The following MMRN2 variants were observed in gnomAD, a reference collection of about 807,000 sequenced individuals.
MMRN2 encodes multimerin-2.
A neutral mutation model predicts 68.8 loss-of-function variants in MMRN2; 53 were observed. That is an observed-to-expected ratio of 0.77 (90% CI 0.62 to 0.97). The LOEUF (loss-of-function observed/expected upper bound fraction) is 0.97, where lower values mean the gene tolerates loss of function less well. MMRN2 is among the 50% of genes least tolerant of loss of function. The pLI is 0.00. For synonymous variants in MMRN2, 564 were observed against 551.6 expected (o/e 1.02, Z -0.32); for missense variants, 1,266 against 1,259.5 (o/e 1.01, Z -0.08).
At chr10:86,950,466 G>A (rs1029552072) in intron 1 of MMRN2, among the ~76,000 whole-genome samples, 10 of 152,172 alleles carry the variant, frequency 6.6e-5, no homozygotes, top group African/African-American at 9.6e-5. Context: ...ATGCAGAACC[G>A]TGGTGTCACA....
intron 4 of MMRN2, 29 bp downstream of exon 4, chr10:86,945,159 C>T (rs768061915): frequency 1.8e-5 from 29 of 1,606,100 alleles, no homozygotes; most frequent in Non-Finnish European, 2.5e-5. Flanking sequence ...ACCAGCCTGC[C>T]TGCCTTCCCC....
At chr10:86,942,040 T>G (rs1843978795) in intron 6 of MMRN2, among the ~76,000 whole-genome samples, 1 of 152,058 alleles carries the variant, frequency 6.6e-6, no homozygotes, top group Non-Finnish European at 1.5e-5. Flanking sequence ...GCAGGAGCAG[T>G]AGGCGGCACT....
chr10:86,945,359 G>T lies in MMRN2; in HGVS notation c.400+11C>A. 6.3e-7 allele frequency: 1 copy of T among 1,599,896 alleles called. No homozygotes were observed. Among genetic ancestry groups the T allele is most frequent in the South Asian group, 1.1e-5 (1 of 89,538 alleles). ...AGGTCAAGGGGGGAAGGGGGCCGCA[G>T]GGAGCCCTACCGTGGTGCTCGCAGT... On this transcript the variant is annotated intron_variant, in intron 3 of 6. Transcript: ENST00000372027.
Position 86,942,906 on chromosome 10 carries a change from C to A in MMRN2, c.1878G>T (p.Thr626=), listed in dbSNP as rs200415857. The change falls in exon 6 of 7, where the codon ACG becomes ACT. Residue 626 remains threonine (T), a synonymous_variant. Coordinates refer to ENST00000372027, the MANE Select transcript of MMRN2 (RefSeq NM_024756.3). ...EEVLEEMSEQ[T]PGPLPLSYEQ... ...CGTAGCTCAGGGGCAGCGGTCCCGG[C>A]GTCTGCTCAGACATCTCCTCCAGCA... 2.0e-6 allele frequency: 3 copies of A among 1,474,280 alleles called. No individual in the cohort carries two copies. Among genetic ancestry groups the A allele is most frequent in the African/African-American group, 1.5e-5 (1 of 68,422 alleles). The allele number at this position is 1,474,280 out of a possible 1,614,324, so 91.3% of individuals were successfully genotyped here. A position where few individuals can be genotyped will look rare whatever the true frequency, so the allele number is the denominator to read the frequency against.
rs1844018835 is a variant in MMRN2 at position 86,943,674 on chromosome 10, C to T, written c.1110G>A (p.Gln370=). ...AGARPEPDSL[Q]ARLGQLQRNL... ...TCCTCTGCAGCTGGCCCAGCCTGGC[C>T]TGCAGGCTGTCCGGCTCAGGCCTTG... Residue 370 remains glutamine, a synonymous_variant, in exon 6 of 7, where the codon CAG becomes CAA. Coordinates refer to ENST00000372027, the MANE Select transcript of MMRN2 (RefSeq NM_024756.3). This position sits in a 1 kb window ranked among gnomAD's most constrained non-coding sequence, Gnocchi z 4.2. 1 of 1,611,830 alleles carries T rather than the reference C, an allele frequency of 6.2e-7. No homozygotes were observed. The highest frequency in any genetic ancestry group is 8.5e-7 in the Non-Finnish European group (1 of 1,180,016).
rs1843888062 is a variant in MMRN2 at position 86,936,920 on chromosome 10, A to G, written c.2673T>C (p.Gly891=). Residue 891 remains glycine, a synonymous_variant, in exon 7 of 7, where the codon GGT becomes GGC. Coordinates refer to ENST00000372027, the MANE Select transcript of MMRN2 (RefSeq NM_024756.3). The part of the protein sequence containing the change: ...GPGTGQLVFG[G]HHRTPVCTTG... ...TGGTACAGACTGGAGTCCGATGGTGACCTCCAAACACCAGCTGCCCGGTGC... is the reference window on the plus strand; with the variant it reads ...TGGTACAGACTGGAGTCCGATGGTGGCCTCCAAACACCAGCTGCCCGGTGC... The G allele has an allele frequency of 6.2e-7, 1 of 1,614,004 alleles. No homozygotes were observed. The highest frequency in any genetic ancestry group is 8.5e-7 in the Non-Finnish European group (1 of 1,180,010).
chr10:86,944,200 T>G, intron 5 of MMRN2, 62 bp downstream of exon 5: 1 of 1,587,290 alleles, frequency 6.3e-7, no homozygotes, highest in Admixed American at 1.7e-5. Flanking sequence ...ACCAGCGGGG[T>G]CCTCCCCTCC....
intron 1 of MMRN2, among the ~76,000 whole-genome samples, chr10:86,947,251 G>C (rs1364331706): frequency 1.3e-5 from 2 of 152,174 alleles, no homozygotes; most frequent in Non-Finnish European, 2.9e-5. Context: ...AGAGGCCTTG[G>C]TGATGAAGTG....
chr10:86,953,144 A>G (rs1441289339), intron 1 of MMRN2, among the ~76,000 whole-genome samples: 1 of 152,126 alleles, frequency 6.6e-6, no homozygotes, highest in Non-Finnish European at 1.5e-5. Flanking sequence ...TTCAAGGTGC[A>G]CTGATATCAT....
chr10:86,946,298 A>G (rs1224571464), intron 1 of MMRN2, among the ~76,000 whole-genome samples: 1 of 152,242 alleles, frequency 6.6e-6, no homozygotes, highest in Non-Finnish European at 1.5e-5. Context: ...CGTTCTGTGA[A>G]CACAGCTCCA....
Position 86,942,963 on chromosome 10 carries a change from C to T in MMRN2, c.1821G>A (p.Glu607=), listed in dbSNP as rs1484970145. ...AALLEDALRH[E]AVLAALFGEE... ...CCCCGAAGAGCGCGGCCAGCACCGC[C>T]TCGTGCCGCAGCGCGTCCTCCAGCA... The change falls in exon 6 of 7, where the codon GAG becomes GAA. Residue 607 remains glutamate (E), a synonymous_variant. Coordinates refer to ENST00000372027, the MANE Select transcript of MMRN2 (RefSeq NM_024756.3). 1.5e-5 allele frequency: 23 copies of T among 1,497,194 alleles called. No homozygotes were observed. Among genetic ancestry groups the T allele is most frequent in the African/African-American group, 2.9e-5 (2 of 68,950 alleles). 92.7% of individuals were successfully genotyped at this position (1,497,194 alleles called of 1,614,324 possible).
At chr10:86,945,981 GTGA>G (rs2133681421) in intron 1 of MMRN2, among the ~76,000 whole-genome samples, 1 of 152,350 alleles carries the variant, frequency 6.6e-6, no homozygotes, top group African/African-American at 2.4e-5. Context: ...CAGCTCCAGG[GTGA>G]TGATTGTTTT....
chr10:86,941,531 C>T (rs1843962782), intron 6 of MMRN2, among the ~76,000 whole-genome samples: 1 of 152,138 alleles, frequency 6.6e-6, no homozygotes, highest in Non-Finnish European at 1.5e-5. Flanking sequence ...GGGCACATGG[C>T]TCACACCTGT....
Position 86,944,251 on chromosome 10 carries a change from C to T in MMRN2, c.655+11G>A, listed in dbSNP as rs759261477. ...CAGGCTCTTCCTCAGCCCCTAGAGC[C>T]TGCCACTCACCGTGCCCTGTTTGAT... On this transcript the variant is annotated intron_variant, in intron 5 of 6. Transcript: ENST00000372027. 3.1e-6 allele frequency: 5 copies of T among 1,601,462 alleles called. No individual in the cohort carries two copies. In the South Asian group the frequency reaches 5.5e-5, roughly 18 times the overall value.
At position 86,943,644 on chromosome 10, in the gene MMRN2, G is replaced by A. The variant is rs772327521; in HGVS notation, c.1140C>T (p.Leu380=). The A allele has an allele frequency of 5.0e-6, 8 of 1,613,154 alleles. No individual in the cohort carries two copies. The highest frequency in any genetic ancestry group is 1.7e-5 in the Admixed American group (1 of 60,016). Residue 380 remains leucine (L), a synonymous_variant, in exon 6 of 7, where the codon CTC becomes CTT. Coordinates refer to ENST00000372027, the MANE Select transcript of MMRN2 (RefSeq NM_024756.3). This position sits in a 1 kb window ranked among gnomAD's most constrained non-coding sequence, Gnocchi z 4.2. Reference sequence around the variant, plus strand: ...GGGCCGTGGTCATGTGCAGCTCTGAGAGGTTCCTCTGCAGCTGGCCCAGCC... The same window carrying A: ...GGGCCGTGGTCATGTGCAGCTCTGAAAGGTTCCTCTGCAGCTGGCCCAGCC... ...QARLGQLQRN[L]SELHMTTARR... is the part of the protein sequence containing the mutation.
chr10:86,950,425 G>T (rs1011658448), intron 1 of MMRN2, among the ~76,000 whole-genome samples: 1 of 152,138 alleles, frequency 6.6e-6, no homozygotes, highest in Non-Finnish European at 1.5e-5. Flanking sequence ...GCATTTTAAG[G>T]CTCTCTGGGT....
chr10:86,939,160 C>CA (rs71019439), intron 6 of MMRN2, among the ~76,000 whole-genome samples: 5,168 of 96,418 alleles, frequency 0.054, 141 homozygotes, highest in Non-Finnish European at 0.065. Flanking sequence ...GAAACTCCGT[C>CA]AAAAAAAAAA....
chr10:86,952,890 T>C (rs1427579883), intron 1 of MMRN2, among the ~76,000 whole-genome samples: 1 of 152,138 alleles, frequency 6.6e-6, no homozygotes, highest in Admixed American at 6.5e-5. Flanking sequence ...CACAACCGCA[T>C]AGGACAGACA....
At chr10:86,939,119 G>A (rs976586651) in intron 6 of MMRN2, among the ~76,000 whole-genome samples, 2 of 141,144 alleles carry the variant, frequency 1.4e-5, no homozygotes, top group Non-Finnish European at 3.0e-5. Context: ...CCGAGATCAC[G>A]CCGTTGCACT....
Sources: gnomAD v4.1 joint callset for allele counts (sites outside exome capture counted in the v4.1 genomes callset) on GRCh38, gnomAD v4.1.1 for gene constraint, Gnocchi (gnomAD v3.1) non-coding constraint, MANE v1.5 for transcripts, NCBI Gene and HGNC (gene_info 2026-07-23, HGNC 2026-07-21) for gene names.